EMX2: variants seen among roughly 807,000 people sequenced by gnomAD.
EMX2 encodes the protein empty spiracles homeobox 2.
A neutral mutation model predicts 23.0 loss-of-function variants in EMX2; 6 were observed. The observed-to-expected ratio is 0.26, with a 90% confidence interval of 0.14 to 0.52. The LOEUF (loss-of-function observed/expected upper bound fraction) is 0.52. EMX2 is among the 20% of genes least tolerant of loss of function. The pLI is 0.97. For missense variants in EMX2, 302 were observed against 341.4 expected (o/e 0.88, Z 0.91); for synonymous variants, 175 against 153.3 (o/e 1.14, Z -1.04).
chr10:117,546,032 G>A (rs781573744), intron 2 of EMX2, among the ~76,000 whole-genome samples: 1 of 152,228 alleles, frequency 6.6e-6, no homozygotes, highest in Non-Finnish European at 1.5e-5. Flanking sequence ...CCAGGTTCTG[G>A]GGAAACGCGC....
chr10:117,544,593 C>A (rs1327066951), intron 1 of EMX2: 3 of 152,160 alleles, frequency 2.0e-5, no homozygotes, highest in Non-Finnish European at 4.4e-5. Flanking sequence ...CAATACTCCG[C>A]GGCTTGTCCA....
At position 117,542,930 on chromosome 10, in the gene EMX2, A is replaced by G. The variant is rs1413954487; in HGVS notation, c.-338A>G. The G allele has an allele frequency of 3.0e-4, 44 of 148,282 alleles. No homozygotes were observed. Among genetic ancestry groups the G allele is most frequent in the East Asian group, 5.2e-4 (3 of 5,786 alleles). The allele number at this position is 148,282 out of a possible 1,614,324, so 9.2% of individuals were successfully genotyped here. Reference sequence around the variant, plus strand: ...CATCTCGCCAAAAAAAAAAAAAAAAAAAAAAAAGAAAAAAAAAGAAAAAAA... The same window carrying G: ...CATCTCGCCAAAAAAAAAAAAAAAAGAAAAAAAGAAAAAAAAAGAAAAAAA... On this transcript the variant is annotated 5_prime_UTR_variant, in exon 1 of 3. Transcript: ENST00000553456.
chr10:117,543,650 G>A lies in EMX2; in HGVS notation c.383G>A (p.Arg128Gln). ...TFYPWLIHRY[R>Q]YLGHRFQGND... Reference sequence around the variant, plus strand: ...TACCCCTGGCTCATCCACCGCTACCGATATCTGGGTCATCGCTTCCAAGGT... The same window carrying A: ...TACCCCTGGCTCATCCACCGCTACCAATATCTGGGTCATCGCTTCCAAGGT... Residue 128 changes from arginine (R) to glutamine (Q), a missense_variant, in exon 1 of 3, where the codon CGA (arginine) becomes CAA (glutamine). Arg to Gln is a conservative substitution (Grantham distance 43). Transcript: ENST00000553456. The A allele has an allele frequency of 6.2e-7, 1 of 1,613,588 alleles. No homozygotes were observed. Among genetic ancestry groups the A allele is most frequent in the Non-Finnish European group, 8.5e-7 (1 of 1,179,712 alleles).
chr10:117,545,681 A>C lies in EMX2; in HGVS notation c.456A>C (p.Arg152=), dbSNP rs1242964862. ...TCCTTTTGCACAACGCGCTGGCCCG[A>C]AAGCCCAAGCGGATCCGAACCGCCT... ...ESFLLHNALA[R]KPKRIRTAFS... Residue 152 remains arginine, a synonymous_variant, in exon 2 of 3, where the codon CGA becomes CGC. Transcript: ENST00000553456. 2.5e-6 allele frequency: 4 copies of C among 1,614,110 alleles called. No individual in the cohort carries two copies. The highest frequency in any genetic ancestry group is 3.4e-6 in the Non-Finnish European group (4 of 1,180,020).
chr10:117,543,198 C>A lies in EMX2; in HGVS notation c.-70C>A. ...TCTCGTCCGTCCTCGCCGCGGGCAGCGGGCGGCGGAGGCAGCGTGCGGCGG... is the reference window on the plus strand; with the variant it reads ...TCTCGTCCGTCCTCGCCGCGGGCAGAGGGCGGCGGAGGCAGCGTGCGGCGG... On this transcript the variant is annotated 5_prime_UTR_variant, in exon 1 of 3. Coordinates refer to ENST00000553456, the MANE Select transcript of EMX2 (RefSeq NM_004098.4). 6.3e-6 allele frequency: 8 copies of A among 1,267,688 alleles called. No individual in the cohort carries two copies. Among genetic ancestry groups the A allele is most frequent in the Non-Finnish European group, 3.0e-6 (3 of 996,192 alleles). The allele number at this position is 1,267,688 out of a possible 1,614,324, so 78.5% of individuals were successfully genotyped here. A position where few individuals can be genotyped will look rare whatever the true frequency, so the allele number is the denominator to read the frequency against.
chr10:117,546,021 C>T (rs1023640263), intron 2 of EMX2, among the ~76,000 whole-genome samples: 1 of 152,188 alleles, frequency 6.6e-6, no homozygotes, highest in Non-Finnish European at 1.5e-5. Flanking sequence ...GCCAATCTGC[C>T]CCAGGTTCTG....
At position 117,543,350 on chromosome 10, in the gene EMX2, A is replaced by G; in HGVS notation, c.83A>G (p.Glu28Gly). Reference protein sequence around the residue: ...KDSPLPASRSEDPIRPAALSY... With the variant: ...KDSPLPASRSGDPIRPAALSY... ...AGTCCCCTGCCCGCCTCGCGCTCCGAGGACCCCATCCGTCCCGCGGCACTC... is the reference window on the plus strand; with the variant it reads ...AGTCCCCTGCCCGCCTCGCGCTCCGGGGACCCCATCCGTCCCGCGGCACTC... Residue 28 changes from glutamate to glycine, a missense_variant, in exon 1 of 3, where the codon GAG (glutamate) becomes GGG (glycine). Glu to Gly is a moderately conservative substitution (Grantham distance 98). Coordinates refer to ENST00000553456, the MANE Select transcript of EMX2 (RefSeq NM_004098.4). The G allele has an allele frequency of 6.4e-7, 1 of 1,561,896 alleles. No homozygotes were observed. The highest frequency in any genetic ancestry group is 1.2e-5 in the South Asian group (1 of 85,114).
chr10:117,542,978 C>T lies in EMX2; in HGVS notation c.-290C>T, dbSNP rs1846513327. On this transcript the variant is annotated 5_prime_UTR_variant, in exon 1 of 3. Coordinates refer to ENST00000553456, the MANE Select transcript of EMX2 (RefSeq NM_004098.4). ...AAAAAGAAAAAAAATTACCCCAATC[C>T]ACGCCTGCAAATTCTTCTGGAAGGA... 5.8e-6 allele frequency: 2 copies of T among 341,918 alleles called. No homozygotes were observed. The highest frequency in any genetic ancestry group is 1.0e-5 in the Non-Finnish European group (2 of 193,370). 21.2% of individuals were successfully genotyped at this position (341,918 alleles called of 1,614,324 possible). A position where few individuals can be genotyped will look rare whatever the true frequency, so the allele number is the denominator to read the frequency against.
intron 1 of EMX2, chr10:117,544,262 C>A (rs1221217835): frequency 6.3e-6 from 1 of 158,614 alleles, no homozygotes; most frequent in Non-Finnish European, 1.4e-5. Flanking sequence ...GGGCGGGAAC[C>A]CGTGCGGGAG....
At chr10:117,547,810 G>A (rs1001369525) in intron 2 of EMX2, among the ~76,000 whole-genome samples, 11 of 152,216 alleles carry the variant, frequency 7.2e-5, no homozygotes, top group African/African-American at 2.7e-4. Flanking sequence ...AGTGCACTCC[G>A]GGCCACAGGG....
At chr10:117,546,684 G>T (rs753634951) in intron 2 of EMX2, among the ~76,000 whole-genome samples, 66 of 152,264 alleles carry the variant, frequency 4.3e-4, no homozygotes, top group Non-Finnish European at 8.7e-4. Flanking sequence ...AGCCGAGGCG[G>T]CGGTGGTCTT....
At chr10:117,546,461 C>T (rs1374293296) in intron 2 of EMX2, among the ~76,000 whole-genome samples, 2 of 152,218 alleles carry the variant, frequency 1.3e-5, no homozygotes, top group African/African-American at 4.8e-5. Context: ...CTACACTAGG[C>T]GCTACTGTAC....
At chr10:117,547,896 C>T (rs866162683) in intron 2 of EMX2, among the ~76,000 whole-genome samples, 169 bp from the exon 3 acceptor site, 1 of 151,994 alleles carries the variant, frequency 6.6e-6, no homozygotes, top group African/African-American at 2.4e-5. Context: ...ACTAGCGGCC[C>T]TGCTCCCTGA....
chr10:117,542,958 G>GA lies in EMX2; in HGVS notation c.-302dup, dbSNP rs879201830. On this transcript the variant is annotated 5_prime_UTR_variant, in exon 1 of 3. Coordinates refer to ENST00000553456, the MANE Select transcript of EMX2 (RefSeq NM_004098.4). ...AAAAAGAAAAAAAAAGAAAAAAAAA[G>GA]AAAAAAAATTACCCCAATCCACGCC... 4.0e-4 allele frequency: 43 copies of GA among 107,476 alleles called. No homozygotes were observed. Among genetic ancestry groups the GA allele is most frequent in the Non-Finnish European group, 5.6e-4 (33 of 59,426 alleles). 6.7% of individuals were successfully genotyped at this position (107,476 alleles called of 1,614,324 possible).
Position 117,543,161 on chromosome 10 carries a change from CG to C in EMX2, c.-106del. ...CACCCCCACCCCCACCCCAAACAAA[CG>C]AGTCCCCAATTCTCGTCCGTCCTCG... On this transcript the variant is annotated 5_prime_UTR_variant, in exon 1 of 3. Coordinates refer to ENST00000553456, the MANE Select transcript of EMX2 (RefSeq NM_004098.4). 6.5e-6 allele frequency: 2 copies of C among 308,976 alleles called. No individual in the cohort carries two copies. Among genetic ancestry groups the C allele is most frequent in the Non-Finnish European group, 1.0e-5 (2 of 199,250 alleles). 19.1% of individuals were successfully genotyped at this position (308,976 alleles called of 1,614,324 possible). A position where few individuals can be genotyped will look rare whatever the true frequency, so the allele number is the denominator to read the frequency against.
At chr10:117,543,754 T>C (rs1846533105) in intron 1 of EMX2, 81 bp downstream of exon 1, 2 of 1,603,758 alleles carry the variant, frequency 1.2e-6, no homozygotes, top group Non-Finnish European at 8.5e-7. Flanking sequence ...GGTGGGCGCT[T>C]GGCAAGGCCT....
At position 117,543,640 on chromosome 10, in the gene EMX2, C is replaced by T. The variant is rs751097554; in HGVS notation, c.373C>T (p.His125Tyr). The change falls in exon 1 of 3, where the codon CAC (histidine) becomes TAC (tyrosine). Residue 125 changes from histidine (H) to tyrosine (Y), a missense_variant. Around this residue, in one of 4 missense-constraint regions of EMX2, gnomAD observed 221 missense variants for 206.8 expected, o/e 1.07. Transcript: ENST00000553456. ...GTCCACCTTCTACCCCTGGCTCATCCACCGCTACCGATATCTGGGTCATCG... is the reference window on the plus strand; with the variant it reads ...GTCCACCTTCTACCCCTGGCTCATCTACCGCTACCGATATCTGGGTCATCG... ...DPSTFYPWLI[H>Y]RYRYLGHRFQ... is the part of the protein sequence containing the mutation. The T allele has an allele frequency of 1.2e-6, 2 of 1,613,534 alleles. No individual in the cohort carries two copies. Among genetic ancestry groups the T allele is most frequent in the African/African-American group, 2.7e-5 (2 of 74,920 alleles).
rs1846512646 is a variant in EMX2, at chr10:117,542,952, A to G, written c.-316A>G. 1 of 246,532 alleles carries G rather than the reference A, an allele frequency of 4.1e-6. No individual in the cohort carries two copies. Among genetic ancestry groups the G allele is most frequent in the Admixed American group, 5.6e-5 (1 of 17,800 alleles). 15.3% of individuals were successfully genotyped at this position (246,532 alleles called of 1,614,324 possible). On this transcript the variant is annotated 5_prime_UTR_variant, in exon 1 of 3. Coordinates refer to ENST00000553456, the MANE Select transcript of EMX2 (RefSeq NM_004098.4). ...AAAAAAAAAAAGAAAAAAAAAGAAAAAAAAAGAAAAAAAATTACCCCAATC... is the reference window on the plus strand; with the variant it reads ...AAAAAAAAAAAGAAAAAAAAAGAAAGAAAAAGAAAAAAAATTACCCCAATC...
At position 117,545,786 on chromosome 10, in the gene EMX2, G is replaced by A; in HGVS notation, c.561G>A (p.Leu187=). ...HYVVGAERKQ[L]AHSLSLTETQ... ...TGGTGGGCGCCGAAAGGAAGCAGCT[G>A]GCACACAGCCTCAGCCTCACGGAAA... Residue 187 remains leucine, a synonymous_variant, in exon 2 of 3, where the codon CTG becomes CTA. Coordinates refer to ENST00000553456, the MANE Select transcript of EMX2 (RefSeq NM_004098.4). The A allele has an allele frequency of 1.9e-6, 3 of 1,613,962 alleles. No homozygotes were observed. Among genetic ancestry groups the A allele is most frequent in the Non-Finnish European group, 1.7e-6 (2 of 1,180,038 alleles).
Sources: gnomAD v4.1 joint callset for allele counts (sites outside exome capture counted in the v4.1 genomes callset) on GRCh38, gnomAD v4.1.1 for gene constraint, gnomAD v4.1.1 regional missense constraint, MANE v1.5 for transcripts, NCBI Gene and HGNC (gene_info 2026-07-23, HGNC 2026-07-21) for gene names.